Variants in ARHGAP6 observed in about 807,000 individuals in gnomAD.
The protein encoded by ARHGAP6 is Rho GTPase activating protein 6.
In ARHGAP6, 16 loss-of-function variants were observed where a neutral mutation model predicts 55.7. The observed-to-expected ratio is 0.29, with a 90% confidence interval of 0.19 to 0.44. The LOEUF (loss-of-function observed/expected upper bound fraction) is 0.44, where lower values mean the gene tolerates loss of function less well. Among genes scored for constraint, ARHGAP6 ranks in the 20% least tolerant of loss-of-function variants. The pLI, the probability that ARHGAP6 is intolerant of heterozygous loss-of-function variation, is 1.00. For synonymous variants in ARHGAP6, 382 were observed against 360.9 expected (o/e 1.06, Z -0.66); for missense variants, 698 against 808.9 (o/e 0.86, Z 1.66).
chrX:11,341,125 C>T (rs909442731), intron 1 of ARHGAP6, among the ~76,000 whole-genome samples: 2 of 111,148 alleles, frequency 1.8e-5, no homozygotes, highest in Non-Finnish European at 3.8e-5. Context: ...ATGTTGGCTA[C>T]ACAACTTTAT....
intron 10 of ARHGAP6, chrX:11,148,676 A>G (rs1443475931): frequency 5.3e-6 from 2 of 375,371 alleles, no homozygotes; most frequent in South Asian, 4.7e-5. Context: ...CTGGCAGGGT[A>G]CTGTGGGCAG....
At chrX:11,448,348 C>T (rs1280447077) in intron 1 of ARHGAP6, among the ~76,000 whole-genome samples, 1 of 111,674 alleles carries the variant, frequency 9.0e-6, no homozygotes, top group Non-Finnish European at 1.9e-5. Context: ...ACCACCATAC[C>T]CTCCTTCCTC....
rs1242266567 is a variant in ARHGAP6, at chrX:11,174,580, TTC to T, written c.1629+3518_1629+3519del. On this transcript the variant is annotated intron_variant, in intron 8 of 12. Coordinates refer to ENST00000337414, the MANE Select transcript of ARHGAP6 (RefSeq NM_013427.3). ...TTCCTTCCTTCCTTCCTTCCTTTCT[TTC>T]TTTCTTTCTTTTTCTTTCTTTCTTT... Among the ~76,000 whole-genome samples the T allele has an allele frequency of 7.7e-4, 70 of 90,395 alleles. 1 individual carries two copies. The highest frequency in any genetic ancestry group is 6.2e-3 in the Middle Eastern group (1 of 162). 78.5% of individuals were successfully genotyped at this position (90,395 alleles called of 115,157 possible). A position where few individuals can be genotyped will look rare whatever the true frequency, so the allele number is the denominator to read the frequency against.
intron 1 of ARHGAP6, among the ~76,000 whole-genome samples, chrX:11,436,074 C>T (rs1466665467): frequency 1.8e-5 from 2 of 112,448 alleles, no homozygotes; most frequent in Non-Finnish European, 3.8e-5. Flanking sequence ...ACATAAACTA[C>T]ACAAATCATT....
chrX:11,593,549 A>G (rs2051864907), intron 1 of ARHGAP6, among the ~76,000 whole-genome samples: 1 of 111,942 alleles, frequency 8.9e-6, no homozygotes, highest in South Asian at 3.7e-4. Context: ...CAGAATGTAC[A>G]ACACCAAGAG....
At chrX:11,546,001 C>T (rs1265702083) in intron 1 of ARHGAP6, among the ~76,000 whole-genome samples, 2 of 110,775 alleles carry the variant, frequency 1.8e-5, no homozygotes, top group Non-Finnish European at 3.8e-5. Flanking sequence ...GTTTTTATTC[C>T]TTTTTGAAGT....
intron 2 of ARHGAP6, among the ~76,000 whole-genome samples, chrX:11,205,127 G>T (rs763583185): frequency 2.7e-5 from 3 of 111,664 alleles, no homozygotes; most frequent in African/African-American, 9.8e-5. Context: ...GATGACCACC[G>T]TGATGTGGCA....
At chrX:11,546,502 C>A (rs1395944184) in intron 1 of ARHGAP6, among the ~76,000 whole-genome samples, 2 of 112,015 alleles carry the variant, frequency 1.8e-5, no homozygotes, top group African/African-American at 6.5e-5. Flanking sequence ...CATTTGGAAA[C>A]TACTTTCAGC....
chrX:11,244,783 C>A (rs1268549469), intron 2 of ARHGAP6, among the ~76,000 whole-genome samples: 2 of 111,924 alleles, frequency 1.8e-5, no homozygotes, highest in African/African-American at 6.5e-5. Context: ...GGTCAAGATG[C>A]CAAAGTCTTG....
At chrX:11,607,641 G>T (rs1270622310) in intron 1 of ARHGAP6, among the ~76,000 whole-genome samples, 1 of 112,340 alleles carries the variant, frequency 8.9e-6, no homozygotes, top group East Asian at 2.8e-4. Flanking sequence ...ATCTTCTTTT[G>T]TAAGTATGTA....
At chrX:11,265,922 A>G (rs999891456) in intron 1 of ARHGAP6, 24 of 953,982 alleles carry the variant, frequency 2.5e-5, no homozygotes, top group Non-Finnish European at 2.9e-5. Context: ...AAAAATATGC[A>G]ATCTTTTCAT....
chrX:11,411,374 A>C (rs752517887), intron 1 of ARHGAP6, among the ~76,000 whole-genome samples: 134 of 106,686 alleles, frequency 1.3e-3, no homozygotes, highest in African/African-American at 4.5e-3. Context: ...ATACAGCATA[A>C]AATTTATGCA....
intron 1 of ARHGAP6, among the ~76,000 whole-genome samples, chrX:11,417,059 C>CATAT (rs768174897): frequency 0.024 from 784 of 33,206 alleles, 39 homozygotes; most frequent in African/African-American, 0.029. Context: ...TGGGTGTGTA[C>CATAT]ATATATATAT....
intron 1 of ARHGAP6, among the ~76,000 whole-genome samples, chrX:11,257,039 A>T: frequency 9.0e-6 from 1 of 111,594 alleles, no homozygotes; most frequent in Non-Finnish European, 1.9e-5. Context: ...CTAAGAAAAA[A>T]TAGGACATAT....
At chrX:11,148,701 C>T (rs767405272) in intron 10 of ARHGAP6, 9 of 372,668 alleles carry the variant, frequency 2.4e-5, no homozygotes, top group Non-Finnish European at 4.2e-5. Flanking sequence ...GCACTGCAGC[C>T]GGAAGCACAG....
chrX:11,140,662 C>T (rs1021901185), intron 12 of ARHGAP6, among the ~76,000 whole-genome samples: 1 of 110,368 alleles, frequency 9.1e-6, no homozygotes, highest in African/African-American at 3.3e-5. Context: ...CTCCTCACCC[C>T]TCACAGTCCA....
intron 1 of ARHGAP6, among the ~76,000 whole-genome samples, chrX:11,654,955 A>G (rs1338988329): frequency 1.8e-5 from 2 of 112,299 alleles, no homozygotes; most frequent in South Asian, 7.4e-4. Flanking sequence ...TTTTTTAAAT[A>G]TATTCACAAG....
At chrX:11,265,933 C>T (rs1309008323) in intron 1 of ARHGAP6, 15 of 951,506 alleles carry the variant, frequency 1.6e-5, no homozygotes, top group Admixed American at 7.0e-5. Context: ...ATCTTTTCAT[C>T]GGATCATTGA....
intron 1 of ARHGAP6, among the ~76,000 whole-genome samples, chrX:11,332,612 G>A (rs909365388): frequency 1.8e-5 from 2 of 111,591 alleles, no homozygotes; most frequent in South Asian, 7.5e-4. Flanking sequence ...TTTATTTTGA[G>A]ATAATTTTAG....
Sources: gnomAD v4.1 joint callset for allele counts (sites outside exome capture counted in the v4.1 genomes callset) on GRCh38, gnomAD v4.1.1 for gene constraint, MANE v1.5 for transcripts, NCBI Gene and HGNC (gene_info 2026-07-23, HGNC 2026-07-21) for gene names.